Variants in SKAP2 observed in about 807,000 individuals in gnomAD.
SKAP2 encodes the protein src kinase-associated phosphoprotein 2.
In SKAP2, 28 loss-of-function variants were observed where a neutral mutation model predicts 54.9. The observed-to-expected ratio is 0.51, with a 90% CI of 0.38 to 0.70. The LOEUF is 0.70. Among genes scored for constraint, SKAP2 ranks in the 30% least tolerant of loss-of-function variants. The pLI, the probability that SKAP2 is intolerant of heterozygous loss-of-function variation, is 0.00. For missense variants in SKAP2, 356 were observed against 424.1 expected (o/e 0.84, Z 1.41); for synonymous variants, 137 against 134.3 (o/e 1.02, Z -0.14).
intron 11 of SKAP2, among the ~76,000 whole-genome samples, chr7:26,680,023 A>G (rs1786452484): frequency 6.6e-6 from 1 of 152,234 alleles, no homozygotes; most frequent in East Asian, 1.9e-4. Flanking sequence ...CTAGTCGCAT[A>G]TGCCCTAGAC....
chr7:26,773,342 C>A (rs999941452), intron 4 of SKAP2, among the ~76,000 whole-genome samples: 1 of 152,164 alleles, frequency 6.6e-6, no homozygotes, highest in Admixed American at 6.5e-5. Flanking sequence ...AGATTTATTG[C>A]CCTTCTGAGG....
chr7:26,857,715 T>G, intron 1 of SKAP2: 1 of 985,436 alleles, frequency 1.0e-6, no homozygotes, highest in South Asian at 4.7e-5. Flanking sequence ...GAGCCCTCAC[T>G]AGACAAATGG....
intron 11 of SKAP2, among the ~76,000 whole-genome samples, chr7:26,684,264 A>G (rs1412621361): frequency 6.6e-6 from 1 of 152,218 alleles, no homozygotes; most frequent in African/African-American, 2.4e-5. Flanking sequence ...GCCTGTCTGA[A>G]TAGAAAAGCA....
In SKAP2 at chr7:26,708,147, A is replaced by T. The variant is rs1265603245; in HGVS notation, c.796+17281T>A. 2.6e-5 allele frequency among the ~76,000 whole-genome samples: 4 copies of T among 152,202 alleles called. No individual in the cohort carries two copies. In the East Asian group the frequency reaches 7.7e-4, roughly 29 times the overall value. ...AGCACAGAGAAGAGCTAAGACATTAAGGAAAAGTCCAAGGCAATGTGAATT... is the reference window on the plus strand; with the variant it reads ...AGCACAGAGAAGAGCTAAGACATTATGGAAAAGTCCAAGGCAATGTGAATT... On this transcript the variant is annotated intron_variant, in intron 9 of 12. Coordinates refer to ENST00000345317, the MANE Select transcript of SKAP2 (RefSeq NM_003930.5).
chr7:26,659,121 A>T, the SKAP2 span, among the ~76,000 whole-genome samples: 8 of 152,188 alleles, frequency 5.3e-5, no homozygotes, highest in Non-Finnish European at 1.0e-4. Flanking sequence ...TTATTAAAGG[A>T]AATTATTGCA....
At chr7:26,671,710 A>G (rs1786245005) in intron 11 of SKAP2, among the ~76,000 whole-genome samples, 1 of 152,018 alleles carries the variant, frequency 6.6e-6, no homozygotes, top group Admixed American at 6.6e-5. Context: ...TTTAAAGTTC[A>G]TTGATAGTGT....
At chr7:26,825,333 C>G (rs1016524075) in intron 4 of SKAP2, among the ~76,000 whole-genome samples, 1 of 151,938 alleles carries the variant, frequency 6.6e-6, no homozygotes, top group Admixed American at 6.6e-5. Context: ...TCTTCGCTAA[C>G]TGCCTCAATT....
At chr7:26,695,684 C>A (rs567787754) in intron 9 of SKAP2, among the ~76,000 whole-genome samples, 1 of 152,192 alleles carries the variant, frequency 6.6e-6, no homozygotes, top group Non-Finnish European at 1.5e-5. Context: ...ATCATAGCAT[C>A]GTATCTGAAG....
chr7:26,781,512 AG>A, intron 4 of SKAP2, among the ~76,000 whole-genome samples: 1 of 152,196 alleles, frequency 6.6e-6, no homozygotes, highest in Non-Finnish European at 1.5e-5. Context: ...ACAGCTGATG[AG>A]TCAACTTTGC....
intron 4 of SKAP2, among the ~76,000 whole-genome samples, chr7:26,832,065 C>A (rs926341761): frequency 2.0e-5 from 3 of 152,158 alleles, no homozygotes; most frequent in Admixed American, 6.5e-5. Flanking sequence ...AATTCTAGTT[C>A]AAACTCCAAC....
chr7:26,744,828 T>C (rs1056680256), intron 4 of SKAP2, among the ~76,000 whole-genome samples: 3 of 152,114 alleles, frequency 2.0e-5, no homozygotes, highest in Admixed American at 2.0e-4. Context: ...ATATAAGACA[T>C]CATTACCAAA....
chr7:26,804,787 A>G (rs1172256166), intron 4 of SKAP2, among the ~76,000 whole-genome samples: 1 of 152,092 alleles, frequency 6.6e-6, no homozygotes, highest in Non-Finnish European at 1.5e-5. Context: ...ATAAATAAAA[A>G]GGCAATTTAT....
chr7:26,725,362 ACACACACACT>A, intron 9 of SKAP2, 56 bp downstream of exon 9: 1 of 1,237,790 alleles, frequency 8.1e-7, no homozygotes, highest in Non-Finnish European at 1.1e-6. Context: ...ACACAAACAC[ACACACACACT>A]CACACACACA....
chr7:26,770,957 A>G (rs1374889792), intron 4 of SKAP2, among the ~76,000 whole-genome samples: 2 of 152,330 alleles, frequency 1.3e-5, no homozygotes, highest in Non-Finnish European at 2.9e-5. Context: ...AGAAAAAAAA[A>G]ACTAAAAGTG....
chr7:26,828,306 C>T (rs753667570), intron 4 of SKAP2, among the ~76,000 whole-genome samples: 10 of 152,192 alleles, frequency 6.6e-5, no homozygotes, highest in East Asian at 3.9e-4. Flanking sequence ...GAAATGATAG[C>T]GGTATATAAA....
chr7:26,852,699 A>G (rs546692484), intron 3 of SKAP2, among the ~76,000 whole-genome samples: 1 of 152,318 alleles, frequency 6.6e-6, no homozygotes, highest in South Asian at 2.1e-4. Context: ...AAAATACCAA[A>G]GGGAAAGCTT....
At chr7:26,720,061 C>T (rs879906104) in intron 9 of SKAP2, among the ~76,000 whole-genome samples, 106 of 125,968 alleles carry the variant, frequency 8.4e-4, no homozygotes, top group Admixed American at 2.5e-3. Flanking sequence ...AACACACACA[C>T]ACACACACAC....
rs1485966132 is a variant in SKAP2 at position 26,848,537 on chromosome 7, G to C, written c.200-4400C>G. Among the ~76,000 whole-genome samples, 5 of 152,020 alleles carry C rather than the reference G, an allele frequency of 3.3e-5. No homozygotes were observed. In the East Asian group the frequency reaches 9.6e-4, roughly 29 times the overall value. ...CCCCAAGATAGCTCATTATATATAT[G>C]CAAATGTCCCAAAATCCAAAATCTG... On this transcript the variant is annotated intron_variant, in intron 3 of 12. Coordinates refer to ENST00000345317, the MANE Select transcript of SKAP2 (RefSeq NM_003930.5).
chr7:26,762,634 G>A (rs996605911), intron 4 of SKAP2, among the ~76,000 whole-genome samples: 2 of 151,606 alleles, frequency 1.3e-5, no homozygotes, highest in African/African-American at 2.4e-5. Flanking sequence ...TCAGGAGATC[G>A]AGACCATCCT....
Sources: gnomAD v4.1 joint callset for allele counts (sites outside exome capture counted in the v4.1 genomes callset) on GRCh38, gnomAD v4.1.1 for gene constraint, MANE v1.5 for transcripts, NCBI Gene and HGNC (gene_info 2026-07-23, HGNC 2026-07-21) for gene names.